The following THSD7B variants were observed in gnomAD, a reference collection of about 807,000 sequenced individuals.
The protein encoded by THSD7B is thrombospondin type-1 domain-containing protein 7B.
Under a neutral mutation model 213.6 loss-of-function variants are expected in THSD7B, and 138 were observed. That is an observed-to-expected ratio of 0.65 (90% CI 0.56 to 0.74). The LOEUF (loss-of-function observed/expected upper bound fraction) is 0.74. Among genes scored for constraint, THSD7B ranks in the 30% least tolerant of loss-of-function variants. The pLI, the probability that THSD7B is intolerant of heterozygous loss-of-function variation, is 0.00. For missense variants in THSD7B, 1,931 were observed against 1,991.5 expected, an observed-to-expected ratio of 0.97 and a Z score of 0.58; for synonymous variants, 742 against 687.0, an observed-to-expected ratio of 1.08 and a Z score of -1.25.
intron 15 of THSD7B, among the ~76,000 whole-genome samples, chr2:137,556,417 C>G (rs1680968794): frequency 6.6e-6 from 1 of 152,072 alleles, no homozygotes; most frequent in Non-Finnish European, 1.5e-5. Flanking sequence ...AATTTTCAAC[C>G]CAGAATTTCA....
intron 15 of THSD7B, among the ~76,000 whole-genome samples, chr2:137,457,944 G>A (rs550581043): frequency 6.6e-6 from 1 of 152,110 alleles, no homozygotes; most frequent in Non-Finnish European, 1.5e-5. Flanking sequence ...CTAAATAAAT[G>A]AAGGTTCTGG....
intron 2 of THSD7B, among the ~76,000 whole-genome samples, chr2:137,046,022 T>C (rs1417035830): frequency 2.5e-4 from 38 of 152,126 alleles, no homozygotes; most frequent in Admixed American, 2.4e-3. Context: ...CTTTTTTTTT[T>C]CATTTTGGAA....
At chr2:137,533,069 T>C (rs924969547) in intron 15 of THSD7B, among the ~76,000 whole-genome samples, 3 of 151,314 alleles carry the variant, frequency 2.0e-5, no homozygotes, top group Non-Finnish European at 4.4e-5. Context: ...GTTATACATA[T>C]GCATAATGAA....
chr2:137,128,340 A>T (rs1479710674), intron 5 of THSD7B, among the ~76,000 whole-genome samples: 1 of 152,232 alleles, frequency 6.6e-6, no homozygotes, highest in Non-Finnish European at 1.5e-5. Flanking sequence ...ACTAAGACTT[A>T]AAGAAATTGT....
chr2:137,513,045 G>T (rs1160589775), intron 15 of THSD7B, among the ~76,000 whole-genome samples: 1 of 152,112 alleles, frequency 6.6e-6, no homozygotes, highest in African/African-American at 2.4e-5. Flanking sequence ...AACCTCCAAA[G>T]GGTGTACAAT....
At chr2:137,173,405 T>C (rs1680301829) in intron 7 of THSD7B, among the ~76,000 whole-genome samples, 1 of 152,218 alleles carries the variant, frequency 6.6e-6, no homozygotes, top group Non-Finnish European at 1.5e-5. Flanking sequence ...TGGAGGGTTG[T>C]CATGATATCT....
At chr2:137,404,472 T>TACACAC (rs1274761285) in intron 12 of THSD7B, among the ~76,000 whole-genome samples, 13 of 56,786 alleles carry the variant, frequency 2.3e-4, no homozygotes, top group African/African-American at 9.0e-4. Flanking sequence ...TATATATATA[T>TACACAC]ATACACACAC....
Position 137,169,230 on chromosome 2 carries a change from T to C in THSD7B, c.1526-1511T>C, listed in dbSNP as rs78362575. ...TACCTAAAATTCTTGCCCAGCCCTG[T>C]ACTTTGCTAAAATACTTAGTATTTT... On this transcript the variant is annotated intron_variant, in intron 6 of 27. Coordinates refer to ENST00000409968, the MANE Select transcript of THSD7B (RefSeq NM_001316349.2). Among the ~76,000 whole-genome samples, 925 of 151,608 alleles carry C rather than the reference T, an allele frequency of 6.1e-3. 12 individuals are homozygous for C. The highest frequency in any genetic ancestry group is 0.021 in the African/African-American group (864 of 41,372).
chr2:136,850,545 C>T (rs1683082047), intron 1 of THSD7B, among the ~76,000 whole-genome samples: 1 of 151,742 alleles, frequency 6.6e-6, no homozygotes, highest in Non-Finnish European at 1.5e-5. Flanking sequence ...TTTCTTGTTG[C>T]AAGACTTCTA....
intron 2 of THSD7B, among the ~76,000 whole-genome samples, chr2:136,912,705 G>C (rs982309388): frequency 6.6e-6 from 1 of 152,050 alleles, no homozygotes; most frequent in Admixed American, 6.5e-5. Context: ...GATCTGATGG[G>C]TTTATCAGGG....
intron 15 of THSD7B, among the ~76,000 whole-genome samples, chr2:137,488,438 T>G (rs1413299964): frequency 6.6e-6 from 1 of 152,128 alleles, no homozygotes; most frequent in Non-Finnish European, 1.5e-5. Context: ...CACTTTGAGT[T>G]TCAACTCATT....
At chr2:137,130,316 T>C (rs1688705837) in intron 5 of THSD7B, among the ~76,000 whole-genome samples, 3 of 152,192 alleles carry the variant, frequency 2.0e-5, no homozygotes, top group Non-Finnish European at 1.5e-5. Flanking sequence ...AGGGCTGTGC[T>C]ACATTATCGT....
chr2:136,795,027 C>T lies in THSD7B; in HGVS notation c.-36+29340C>T, dbSNP rs539158995. On this transcript the variant is annotated intron_variant, in intron 1 of 27. Transcript: ENST00000409968. The stretch of plus-strand genomic sequence containing the variant: ...TTGATATACCTTTACCATCCTCTAC[C>T]GTTAATTTATCTATATACTTATATT... 6.6e-5 allele frequency among the ~76,000 whole-genome samples: 10 copies of T among 152,000 alleles called. No individual in the cohort carries two copies. The East Asian group carries it at 7.8e-4, about 12-fold the overall frequency.
chr2:137,635,011 TG>T (rs1573756370), intron 20 of THSD7B, among the ~76,000 whole-genome samples: 1 of 152,174 alleles, frequency 6.6e-6, no homozygotes, highest in Non-Finnish European at 1.5e-5. Context: ...TTTGTTTCAT[TG>T]CTAGTGATTA....
chr2:137,117,523 G>A (rs552786587), intron 5 of THSD7B, among the ~76,000 whole-genome samples: 7 of 152,114 alleles, frequency 4.6e-5, no homozygotes, highest in Non-Finnish European at 8.8e-5. Context: ...AAGCATTTTA[G>A]TAGTATTGAC....
chr2:136,784,955 T>A lies in THSD7B; in HGVS notation c.-36+19268T>A, dbSNP rs1019258680. Among the ~76,000 whole-genome samples, 3 of 152,114 alleles carry A rather than the reference T, an allele frequency of 2.0e-5. No homozygotes were observed. In the East Asian group the frequency reaches 5.8e-4, roughly 29 times the overall value. On this transcript the variant is annotated intron_variant, in intron 1 of 27. Coordinates refer to ENST00000409968, the MANE Select transcript of THSD7B (RefSeq NM_001316349.2). ...TGCCATTCAGCCTAATGGCAGAAAA[T>A]GTAATCTGAGCTAATTGTAGGTTAA... is the stretch of plus-strand genomic sequence containing the variant.
intron 5 of THSD7B, among the ~76,000 whole-genome samples, chr2:137,130,285 A>G (rs1288803393): frequency 1.3e-5 from 2 of 152,148 alleles, no homozygotes; most frequent in East Asian, 3.9e-4. Flanking sequence ...TAGTATATGT[A>G]GCCCTACCCC....
At chr2:137,030,676 C>A (rs952976805) in intron 2 of THSD7B, among the ~76,000 whole-genome samples, 4 of 152,098 alleles carry the variant, frequency 2.6e-5, no homozygotes, top group Non-Finnish European at 4.4e-5. Flanking sequence ...AATCAAAAAC[C>A]AAGTGAGAGC....
chr2:137,599,872 C>T (rs999872946), intron 17 of THSD7B, among the ~76,000 whole-genome samples: 9 of 152,164 alleles, frequency 5.9e-5, no homozygotes, highest in African/African-American at 9.7e-5. Context: ...CCACTGCACA[C>T]GGTTGGGTCA....
Sources: gnomAD v4.1 joint callset for allele counts (sites outside exome capture counted in the v4.1 genomes callset) on GRCh38, gnomAD v4.1.1 for gene constraint, MANE v1.5 for transcripts, NCBI Gene and HGNC (gene_info 2026-07-23, HGNC 2026-07-21) for gene names.